NAA11: variants seen among roughly 807,000 people sequenced by gnomAD.
The protein encoded by NAA11 is N-alpha-acetyltransferase 11, NatA catalytic subunit.
A neutral mutation model predicts 16.1 loss-of-function variants in NAA11; 15 were observed. The ratio of observed to expected loss-of-function variants is 0.93; its 90% CI spans 0.62 to 1.44. NAA11 has a LOEUF of 1.44. NAA11 is among the 40% of genes most tolerant of loss of function. The pLI is 0.00. For missense variants in NAA11, 298 were observed against 291.3 expected, an observed-to-expected ratio of 1.02 and a Z score of -0.17; for synonymous variants, 122 against 112.4, an observed-to-expected ratio of 1.09 and a Z score of -0.54.
chr4:79,160,195 T>C, the NAA11 span, among the ~76,000 whole-genome samples: 1 of 152,148 alleles, frequency 6.6e-6, no homozygotes, highest in East Asian at 1.9e-4. Flanking sequence ...TTTCACCACA[T>C]TGGCCAGGCT....
chr4:79,228,289 C>G (rs2109953750), intron 2 of NAA11, among the ~76,000 whole-genome samples: 1 of 152,090 alleles, frequency 6.6e-6, no homozygotes, highest in Non-Finnish European at 1.5e-5. Context: ...TTACAGCTAC[C>G]ATACAACTCT....
At chr4:79,264,877 C>T (rs1289793155) in intron 2 of NAA11, among the ~76,000 whole-genome samples, 1 of 152,134 alleles carries the variant, frequency 6.6e-6, no homozygotes, top group Non-Finnish European at 1.5e-5. Flanking sequence ...TACTGAAGCT[C>T]CATGTCCAAC....
At chr4:79,184,258 G>A in the NAA11 span, among the ~76,000 whole-genome samples, 8 of 152,236 alleles carry the variant, frequency 5.3e-5, no homozygotes, top group African/African-American at 1.9e-4. Context: ...ATAATAAATA[G>A]AGATTTAAAA....
the NAA11 span, among the ~76,000 whole-genome samples, chr4:79,161,014 A>C: frequency 6.6e-6 from 1 of 152,178 alleles, no homozygotes; most frequent in Non-Finnish European, 1.5e-5. Flanking sequence ...ACCATTGATT[A>C]ATCCAAGATT....
chr4:79,217,965 T>C, the NAA11 span, among the ~76,000 whole-genome samples: 1 of 152,106 alleles, frequency 6.6e-6, no homozygotes, highest in Non-Finnish European at 1.5e-5. Flanking sequence ...ACTTTTCCTT[T>C]TTTGGTGCTT....
At chr4:79,159,216 A>G in the NAA11 span, among the ~76,000 whole-genome samples, 2 of 152,208 alleles carry the variant, frequency 1.3e-5, no homozygotes, top group Non-Finnish European at 2.9e-5. Flanking sequence ...TGCAGAATCT[A>G]CAAGGAACTC....
At chr4:79,325,047 T>A (rs1382530015) in intron 1 of NAA11, 129 bp downstream of exon 1, 1 of 757,148 alleles carries the variant, frequency 1.3e-6, no homozygotes, top group East Asian at 2.7e-5. Flanking sequence ...CTCCCTAAGG[T>A]CACCAGGTGG....
intron 1 of NAA11, 90 bp downstream of exon 1, chr4:79,325,086 A>C: frequency 8.3e-7 from 1 of 1,202,170 alleles, no homozygotes; most frequent in South Asian, 1.6e-5. Context: ...GCAGGGCCAG[A>C]ATGGGGTAAG....
At chr4:79,253,683 TAAAGA>T (rs1722042721) in intron 2 of NAA11, among the ~76,000 whole-genome samples, 1 of 152,306 alleles carries the variant, frequency 6.6e-6, no homozygotes, top group South Asian at 2.1e-4. Flanking sequence ...AGATGAAAAG[TAAAGA>T]AATGTTTTTA....
chr4:79,280,632 G>A (rs898811567), intron 2 of NAA11, among the ~76,000 whole-genome samples: 5 of 151,588 alleles, frequency 3.3e-5, no homozygotes, highest in Non-Finnish European at 7.4e-5. Flanking sequence ...GTCAGTTTCT[G>A]TTTCTTGTGC....
chr4:79,319,689 C>A (rs1388180220), intron 1 of NAA11, among the ~76,000 whole-genome samples: 1 of 152,170 alleles, frequency 6.6e-6, no homozygotes, highest in Admixed American at 6.5e-5. Flanking sequence ...TGGCATCTAT[C>A]TGATTAGTAT....
the NAA11 span, among the ~76,000 whole-genome samples, chr4:79,158,259 A>G: frequency 6.6e-6 from 1 of 152,122 alleles, no homozygotes; most frequent in South Asian, 2.1e-4. Context: ...TGAATTCAGC[A>G]AAGTTTCAGG....
chr4:79,312,767 G>A (rs1161361881), downstream of NAA11, among the ~76,000 whole-genome samples: 3 of 151,970 alleles, frequency 2.0e-5, no homozygotes, highest in South Asian at 2.1e-4. Context: ...TGGGATTACA[G>A]GTATGAGGCA....
chr4:79,295,165 G>T (rs1181810113), intron 1 of NAA11, among the ~76,000 whole-genome samples: 2 of 152,172 alleles, frequency 1.3e-5, no homozygotes, highest in Non-Finnish European at 2.9e-5. Context: ...AAGCAAAGAG[G>T]CATGTTAGTG....
At chr4:79,290,360 A>G (rs1211136790) in intron 2 of NAA11, among the ~76,000 whole-genome samples, 1 of 152,180 alleles carries the variant, frequency 6.6e-6, no homozygotes, top group Non-Finnish European at 1.5e-5. Flanking sequence ...CAACAAAGTA[A>G]CATCATTAGG....
intron 1 of NAA11, among the ~76,000 whole-genome samples, chr4:79,310,380 G>C (rs115378766): frequency 5.3e-5 from 8 of 152,206 alleles, no homozygotes; most frequent in African/African-American, 1.9e-4. Flanking sequence ...TTTTACTCTC[G>C]CAACAACTCT....
chr4:79,323,799 C>G (rs1724174470), intron 1 of NAA11, among the ~76,000 whole-genome samples: 1 of 149,846 alleles, frequency 6.7e-6, no homozygotes, highest in African/African-American at 2.5e-5. Flanking sequence ...CCAGCCTCGG[C>G]GACAGAGCTA....
chr4:79,253,344 A>G (rs1375510162), intron 2 of NAA11, among the ~76,000 whole-genome samples: 1 of 152,218 alleles, frequency 6.6e-6, no homozygotes, highest in Non-Finnish European at 1.5e-5. Context: ...GGCTACAGTT[A>G]TCAAATTGTG....
At chr4:79,240,009 G>A (rs1175180168) in intron 2 of NAA11, among the ~76,000 whole-genome samples, 1 of 152,138 alleles carries the variant, frequency 6.6e-6, no homozygotes, top group East Asian at 1.9e-4. Flanking sequence ...ACTCCTGAGA[G>A]TACCAGGAAA....
Sources: gnomAD v4.1 joint callset for allele counts (sites outside exome capture counted in the v4.1 genomes callset) on GRCh38, gnomAD v4.1.1 for gene constraint, MANE v1.5 for transcripts, NCBI Gene and HGNC (gene_info 2026-07-23, HGNC 2026-07-21) for gene names.